The following KCNQ3 variants were observed in gnomAD, a reference collection of about 807,000 sequenced individuals.
The protein encoded by KCNQ3 is potassium voltage-gated channel subfamily Q member 3.
KCNQ3 carries 30 observed loss-of-function variants against 92.5 expected under a neutral mutation model. The observed-to-expected ratio is 0.32, with a 90% confidence interval of 0.24 to 0.44. KCNQ3 has a LOEUF of 0.44. KCNQ3 is among the 20% of genes least tolerant of loss of function. KCNQ3 has a pLI of 1.00. For synonymous variants in KCNQ3, 450 were observed against 468.8 expected (o/e 0.96, Z 0.52); for missense variants, 913 against 1,140.3 (o/e 0.80, Z 2.87).
At chr8:132,344,245 GTA>G (rs1195616943) in intron 1 of KCNQ3, among the ~76,000 whole-genome samples, 1 of 152,178 alleles carries the variant, frequency 6.6e-6, no homozygotes, top group East Asian at 1.9e-4. Flanking sequence ...TAACATAAAT[GTA>G]TAAACAGCCC....
intron 4 of KCNQ3, among the ~76,000 whole-genome samples, chr8:132,179,618 C>T (rs1007344779): frequency 6.6e-6 from 1 of 152,138 alleles, no homozygotes; most frequent in African/African-American, 2.4e-5. Context: ...CTTCTAAGTG[C>T]TCTTCACATA....
At chr8:132,363,355 T>C (rs1819223807) in intron 1 of KCNQ3, among the ~76,000 whole-genome samples, 1 of 152,120 alleles carries the variant, frequency 6.6e-6, no homozygotes, top group Non-Finnish European at 1.5e-5. Flanking sequence ...GGTAAGTGTT[T>C]CCCAAATTAT....
chr8:132,431,196 C>A (rs1468130878), intron 1 of KCNQ3, among the ~76,000 whole-genome samples: 1 of 152,168 alleles, frequency 6.6e-6, no homozygotes, highest in African/African-American at 2.4e-5. Context: ...GTTCCCTACT[C>A]TCCCTAGGAG....
chr8:132,440,807 G>C (rs1357320735), intron 1 of KCNQ3, among the ~76,000 whole-genome samples: 1 of 152,056 alleles, frequency 6.6e-6, no homozygotes, highest in Non-Finnish European at 1.5e-5. Context: ...ATGTTAAAGT[G>C]GGCCAAACCC....
At chr8:132,169,770 T>A (rs1003274747) in intron 8 of KCNQ3, among the ~76,000 whole-genome samples, 2 of 152,234 alleles carry the variant, frequency 1.3e-5, no homozygotes, top group African/African-American at 2.4e-5. Context: ...CTGGGGAGCA[T>A]CAAATATACT....
At chr8:132,350,747 C>A (rs369552892) in intron 1 of KCNQ3, among the ~76,000 whole-genome samples, 1 of 152,186 alleles carries the variant, frequency 6.6e-6, no homozygotes, top group Admixed American at 6.5e-5. Context: ...ACAAACACTA[C>A]CTGGTATTGG....
At chr8:132,294,749 C>T (rs1350256490) in intron 1 of KCNQ3, among the ~76,000 whole-genome samples, 1 of 152,156 alleles carries the variant, frequency 6.6e-6, no homozygotes, top group Non-Finnish European at 1.5e-5. Flanking sequence ...AAACTGCTAG[C>T]AAAAGGAATA....
At chr8:132,268,280 T>A (rs902258988) in intron 1 of KCNQ3, among the ~76,000 whole-genome samples, 1 of 152,162 alleles carries the variant, frequency 6.6e-6, no homozygotes, top group African/African-American at 2.4e-5. Flanking sequence ...TTTTTGTTTG[T>A]TTGTTTGTTT....
chr8:132,192,571 TC>T (rs1221846576), intron 1 of KCNQ3, among the ~76,000 whole-genome samples: 2 of 152,174 alleles, frequency 1.3e-5, no homozygotes, highest in African/African-American at 2.4e-5. Context: ...CACCAATTAT[TC>T]CTGTTCTTCC....
chr8:132,479,992 A>ACACACACACACACACC (rs1191748667), intron 1 of KCNQ3, among the ~76,000 whole-genome samples, 155 bp downstream of exon 1: 1 of 146,854 alleles, frequency 6.8e-6, no homozygotes, highest in Admixed American at 6.7e-5. Context: ...ACACACACAC[A>ACACACACACACACACC]CCCAGGGAAA....
chr8:132,129,273 T>G lies in KCNQ3; in HGVS notation c.2608A>C (p.Lys870Gln). The G allele has an allele frequency of 1.2e-6, 2 of 1,612,220 alleles. No homozygotes were observed. The highest frequency in any genetic ancestry group is 1.7e-6 in the Non-Finnish European group (2 of 1,180,020). The change falls in exon 15 of 15, where the codon AAG becomes CAG. Residue 870 changes from lysine to glutamine, a missense_variant. This residue lies in a region of KCNQ3 where 375 missense variants were observed against 376.4 expected (regional missense o/e 1.00). Transcript: ENST00000388996. This position sits in a 1 kb window ranked among gnomAD's most constrained non-coding sequence, Gnocchi z 5.9. ...ISDSVWTPSN[K>Q]PI ...GCCAGTGACCTCTTTTAAATGGGCT[T>G]ATTGGAAGGGGTCCATACTGAATCA...
chr8:132,338,677 T>A (rs1818434768), intron 1 of KCNQ3, among the ~76,000 whole-genome samples: 1 of 152,230 alleles, frequency 6.6e-6, no homozygotes, highest in African/African-American at 2.4e-5. Context: ...AATTCCCATC[T>A]GTGCTCTCAG....
chr8:132,393,200 C>T (rs1246664011), intron 1 of KCNQ3, among the ~76,000 whole-genome samples: 2 of 152,184 alleles, frequency 1.3e-5, no homozygotes, highest in African/African-American at 4.8e-5. Flanking sequence ...TCCACTCTAC[C>T]TCCCTACTCC....
intron 1 of KCNQ3, among the ~76,000 whole-genome samples, chr8:132,319,713 G>A (rs990889212): frequency 6.6e-6 from 1 of 152,170 alleles, no homozygotes; most frequent in Non-Finnish European, 1.5e-5. Flanking sequence ...ATGCTCCCCC[G>A]CCCATCTATA....
chr8:132,284,192 AT>A (rs1384680768), intron 1 of KCNQ3, among the ~76,000 whole-genome samples: 2 of 152,206 alleles, frequency 1.3e-5, no homozygotes, highest in Middle Eastern at 3.2e-3. Context: ...ATAAAAAAAA[AT>A]AATAGGGCTT....
At chr8:132,251,097 T>C (rs781420017) in intron 1 of KCNQ3, among the ~76,000 whole-genome samples, 4 of 152,070 alleles carry the variant, frequency 2.6e-5, no homozygotes, top group Non-Finnish European at 4.4e-5. Context: ...TGAAACCCTG[T>C]CTCTACCAAA....
intron 1 of KCNQ3, among the ~76,000 whole-genome samples, chr8:132,462,179 GTATTTATT>G (rs67201471): frequency 3.3e-5 from 5 of 149,902 alleles, no homozygotes; most frequent in East Asian, 2.0e-4. Flanking sequence ...ATTTATTTAT[GTATTTATT>G]TATTTATTTA....
chr8:132,458,496 C>G (rs1439137126), intron 1 of KCNQ3, among the ~76,000 whole-genome samples: 1 of 152,132 alleles, frequency 6.6e-6, no homozygotes, highest in African/African-American at 2.4e-5. Flanking sequence ...ACTCTGATGC[C>G]CAGGCGAGAG....
intron 1 of KCNQ3, among the ~76,000 whole-genome samples, chr8:132,382,235 G>A (rs2130756566): frequency 6.6e-6 from 1 of 152,322 alleles, no homozygotes; most frequent in East Asian, 1.9e-4. Flanking sequence ...TTGGAAGTGG[G>A]GTCTGGTAGA....
Sources: gnomAD v4.1 joint callset for allele counts (sites outside exome capture counted in the v4.1 genomes callset) on GRCh38, gnomAD v4.1.1 for gene constraint, gnomAD v4.1.1 regional missense constraint, Gnocchi (gnomAD v3.1) non-coding constraint, MANE v1.5 for transcripts, NCBI Gene and HGNC (gene_info 2026-07-23, HGNC 2026-07-21) for gene names.